Variants in RASGRF2 observed in about 807,000 individuals in gnomAD.
RASGRF2 encodes ras-specific guanine nucleotide-releasing factor 2.
Under a neutral mutation model 151.0 loss-of-function variants are expected in RASGRF2, and 76 were observed. That is an observed-to-expected ratio of 0.50 (90% CI 0.42 to 0.61). RASGRF2 has a LOEUF of 0.61. RASGRF2 is among the 20% of genes least tolerant of loss of function. RASGRF2 has a pLI of 0.00. For missense variants in RASGRF2, 1,148 were observed against 1,564.6 expected (o/e 0.73, Z 4.49); for synonymous variants, 504 against 566.5 (o/e 0.89, Z 1.57).
chr5:81,154,156 A>G (rs7702807), intron 17 of RASGRF2, among the ~76,000 whole-genome samples: 9,141 of 152,304 alleles, frequency 0.06, 531 homozygotes, highest in South Asian at 0.17. Context: ...TGAAATAACT[A>G]TACAAAAAAT....
chr5:81,102,949 A>G (rs1200123295), intron 12 of RASGRF2, among the ~76,000 whole-genome samples: 1 of 152,200 alleles, frequency 6.6e-6, no homozygotes, highest in African/African-American at 2.4e-5. Context: ...GAGACTCAGC[A>G]GGCATGGAGA....
At chr5:81,119,298 TA>T (rs1753241911) in intron 15 of RASGRF2, among the ~76,000 whole-genome samples, 1 of 152,262 alleles carries the variant, frequency 6.6e-6, no homozygotes, top group Non-Finnish European at 1.5e-5. Flanking sequence ...CTCACAGTTC[TA>T]GAGGCTGGCA....
chr5:81,132,034 C>T (rs1021777875), intron 17 of RASGRF2, among the ~76,000 whole-genome samples: 2 of 152,214 alleles, frequency 1.3e-5, no homozygotes, highest in Non-Finnish European at 2.9e-5. Flanking sequence ...AATTTCAACT[C>T]CCTACCAACA....
At chr5:81,083,194 T>C (rs984133619) in intron 7 of RASGRF2, among the ~76,000 whole-genome samples, 14 of 152,106 alleles carry the variant, frequency 9.2e-5, no homozygotes, top group Admixed American at 3.9e-4. Context: ...CTCTCTGTAT[T>C]AGCAGTGGTA....
At chr5:81,170,606 T>C (rs1283183084) in intron 17 of RASGRF2, among the ~76,000 whole-genome samples, 1 of 152,126 alleles carries the variant, frequency 6.6e-6, no homozygotes, top group East Asian at 1.9e-4. Flanking sequence ...TCCACATGAC[T>C]CTGTCTTTCT....
At chr5:81,059,453 G>C (rs1177713431) in intron 2 of RASGRF2, among the ~76,000 whole-genome samples, 1 of 151,662 alleles carries the variant, frequency 6.6e-6, no homozygotes, top group Non-Finnish European at 1.5e-5. Flanking sequence ...TGGACTGGGG[G>C]AAAACCTGAG....
At position 81,180,285 on chromosome 5, in the gene RASGRF2, A is replaced by T; in HGVS notation, c.2793+4A>T. ...CTGGGTCTCAAAGCACGCACAGGTA[A>T]GTCAGTGCCCTCATTAATTACTTGC... On this transcript the variant is annotated splice_donor_region_variant and intron_variant, in intron 18 of 26. Transcript: ENST00000265080. 1 of 1,557,868 alleles carries T rather than the reference A, an allele frequency of 6.4e-7. No homozygotes were observed. Among genetic ancestry groups the T allele is most frequent in the East Asian group, 2.2e-5 (1 of 44,596 alleles).
chr5:81,166,143 G>T (rs999110623), intron 17 of RASGRF2, among the ~76,000 whole-genome samples: 16 of 151,934 alleles, frequency 1.1e-4, no homozygotes, highest in Admixed American at 6.6e-5. Flanking sequence ...GCGGATTACT[G>T]GGGCAAAAAG....
chr5:81,210,395 A>G (rs184267599), intron 22 of RASGRF2, among the ~76,000 whole-genome samples: 1 of 152,334 alleles, frequency 6.6e-6, no homozygotes, highest in African/African-American at 2.4e-5. Context: ...TTCTCTGGGC[A>G]TGAGCTCCTG....
intron 1 of RASGRF2, among the ~76,000 whole-genome samples, chr5:80,985,911 C>T (rs1046480293): frequency 6.6e-6 from 1 of 150,920 alleles, no homozygotes; most frequent in Non-Finnish European, 1.5e-5. Context: ...TGCTTGACTC[C>T]AATAGGTCTT....
At chr5:81,211,243 AC>A (rs1372564441) in intron 22 of RASGRF2, among the ~76,000 whole-genome samples, 2 of 151,004 alleles carry the variant, frequency 1.3e-5, no homozygotes, top group African/African-American at 2.4e-5. Flanking sequence ...GTATTCCCAA[AC>A]CCCACCGTGA....
intron 1 of RASGRF2, among the ~76,000 whole-genome samples, chr5:80,975,700 T>C (rs1210960138): frequency 2.6e-5 from 4 of 152,198 alleles, no homozygotes; most frequent in Non-Finnish European, 5.9e-5. Flanking sequence ...TGGTGAGGTA[T>C]ATATTTTGAG....
chr5:81,222,796 C>G (rs1378987866), intron 26 of RASGRF2, among the ~76,000 whole-genome samples: 1 of 151,992 alleles, frequency 6.6e-6, no homozygotes, highest in Non-Finnish European at 1.5e-5. Context: ...AAAAATTCAC[C>G]ACGGCAATGA....
intron 1 of RASGRF2, among the ~76,000 whole-genome samples, chr5:80,987,175 G>T (rs1012298938): frequency 6.6e-6 from 1 of 152,180 alleles, no homozygotes; most frequent in African/African-American, 2.4e-5. Flanking sequence ...GATTTACAGT[G>T]ACCTTATGGG....
At chr5:80,966,020 A>G (rs1001095996) in intron 1 of RASGRF2, among the ~76,000 whole-genome samples, 10 of 151,976 alleles carry the variant, frequency 6.6e-5, no homozygotes, top group African/African-American at 2.2e-4. Flanking sequence ...TACTTTTCAC[A>G]GGTTTAAAGT....
chr5:81,180,359 A>C, intron 18 of RASGRF2, 78 bp downstream of exon 18: 2 of 860,330 alleles, frequency 2.3e-6, no homozygotes, highest in Non-Finnish European at 2.0e-6. Context: ...CATGTAAAAC[A>C]CCTCCCTACT....
intron 1 of RASGRF2, among the ~76,000 whole-genome samples, chr5:81,018,050 A>C (rs555578794): frequency 7.8e-4 from 118 of 152,212 alleles, no homozygotes; most frequent in Non-Finnish European, 1.2e-3. Context: ...CAGCAGTTGC[A>C]GTGAGCCAAG....
At chr5:81,127,819 G>A (rs1753500145) in intron 17 of RASGRF2, among the ~76,000 whole-genome samples, 1 of 150,168 alleles carries the variant, frequency 6.7e-6, no homozygotes, top group South Asian at 2.1e-4. Flanking sequence ...AGCTACTCAG[G>A]AGGCTGAGGC....
intron 2 of RASGRF2, among the ~76,000 whole-genome samples, chr5:81,052,769 A>T (rs1751054610): frequency 6.6e-6 from 1 of 152,122 alleles, no homozygotes; most frequent in African/African-American, 2.4e-5. Context: ...GTCAAAGCAA[A>T]TGTTGCTTTG....
Sources: allele counts gnomAD v4.1 joint callset (sites outside exome capture counted in the v4.1 genomes callset), GRCh38; gene constraint gnomAD v4.1.1; transcripts MANE v1.5; gene names NCBI Gene and HGNC (gene_info 2026-07-23, HGNC 2026-07-21).